TMEM232: variants seen among roughly 807,000 people sequenced by gnomAD.
The protein encoded by TMEM232 is transmembrane protein 232.
TMEM232 carries 80 observed loss-of-function variants against 78.8 expected under a neutral mutation model. That is an observed-to-expected ratio of 1.01 (90% CI 0.85 to 1.22). The LOEUF is 1.22. Among genes scored for constraint, TMEM232 ranks in the 50% most tolerant of loss-of-function variants. The pLI is 0.00. For missense variants in TMEM232, 881 were observed against 742.2 expected (o/e 1.19, Z -2.17); for synonymous variants, 297 against 254.3 (o/e 1.17, Z -1.60).
At chr5:110,598,200 A>T (rs1267570854) in intron 10 of TMEM232, among the ~76,000 whole-genome samples, 7 of 152,176 alleles carry the variant, frequency 4.6e-5, no homozygotes. Flanking sequence ...GTGGGCAAAG[A>T]ATATGAATAG....
At chr5:110,539,669 C>G (rs954376869) in intron 11 of TMEM232, among the ~76,000 whole-genome samples, 3 of 152,184 alleles carry the variant, frequency 2.0e-5, no homozygotes, top group Non-Finnish European at 2.9e-5. Flanking sequence ...TCTAAGGGAT[C>G]TGCAATTGGA....
At chr5:110,548,273 T>C (rs1387805287) in intron 11 of TMEM232, among the ~76,000 whole-genome samples, 1 of 150,508 alleles carries the variant, frequency 6.6e-6, no homozygotes. Context: ...CACATCCAGA[T>C]ATACATACAC....
At chr5:110,696,040 T>C (rs193271136) in intron 1 of TMEM232, among the ~76,000 whole-genome samples, 5 of 152,150 alleles carry the variant, frequency 3.3e-5, no homozygotes, top group Non-Finnish European at 4.4e-5. Context: ...TGAACATTGA[T>C]GCAAAAATCC....
chr5:110,697,149 C>G (rs149586999), intron 1 of TMEM232, among the ~76,000 whole-genome samples: 1,798 of 152,232 alleles, frequency 0.012, 42 homozygotes, highest in African/African-American at 0.041. Flanking sequence ...TGCCGCATAT[C>G]TGCAACCATC....
chr5:110,718,795 T>C (rs1797286570), intron 1 of TMEM232, among the ~76,000 whole-genome samples: 1 of 152,098 alleles, frequency 6.6e-6, no homozygotes, highest in South Asian at 2.1e-4. Context: ...TCATTTTGTT[T>C]CTTCTCTTTT....
chr5:110,580,256 A>C (rs1778031995), intron 10 of TMEM232, among the ~76,000 whole-genome samples: 2 of 151,786 alleles, frequency 1.3e-5, no homozygotes, highest in African/African-American at 2.4e-5. Context: ...GAAAAAAATT[A>C]TATTAGCTGG....
At chr5:110,615,444 A>G (rs1032154134) in intron 8 of TMEM232, among the ~76,000 whole-genome samples, 3 of 152,008 alleles carry the variant, frequency 2.0e-5, no homozygotes, top group African/African-American at 7.2e-5. Context: ...TAAATATTGG[A>G]AAAGAGTGCT....
chr5:110,673,005 C>T (rs939507045), intron 1 of TMEM232, among the ~76,000 whole-genome samples: 2 of 152,080 alleles, frequency 1.3e-5, no homozygotes, highest in African/African-American at 4.8e-5. Flanking sequence ...CATGCACACG[C>T]ATGTTTATTG....
downstream of TMEM232, among the ~76,000 whole-genome samples, chr5:110,415,973 T>TA (rs1458390656): frequency 6.6e-6 from 1 of 152,208 alleles, no homozygotes; most frequent in Non-Finnish European, 1.5e-5. Flanking sequence ...ATTTTATTTT[T>TA]ATTTTGGCTT....
chr5:110,507,430 C>T (rs1767041696), intron 12 of TMEM232, among the ~76,000 whole-genome samples: 1 of 152,204 alleles, frequency 6.6e-6, no homozygotes. Context: ...ACCACCACTA[C>T]TGCAATATAC....
rs904169021 is a variant in TMEM232 at position 110,674,270 on chromosome 5, C to A, written c.-12-6906G>T. Among the ~76,000 whole-genome samples, 4 of 151,950 alleles carry A rather than the reference C, an allele frequency of 2.6e-5. 1 individual carries two copies. The highest frequency in any genetic ancestry group is 2.1e-4 in the South Asian group (1 of 4,826). The stretch of plus-strand genomic sequence containing the variant: ...ACAATAATCAAGAATCAGGAATGTG[C>A]AAAGGAGTTAATTTGATAAATGTAG... On this transcript the variant is annotated intron_variant, in intron 1 of 13. Transcript: ENST00000455884.
At chr5:110,411,736 A>C (rs1001891832) in intron 2 of TMEM232, among the ~76,000 whole-genome samples, 1 of 152,272 alleles carries the variant, frequency 6.6e-6, no homozygotes, top group African/African-American at 2.4e-5. Context: ...GGTGCCCTTA[A>C]GTTTATTCCA....
intron 12 of TMEM232, among the ~76,000 whole-genome samples, chr5:110,483,861 C>T (rs1031853365): frequency 6.6e-6 from 1 of 151,978 alleles, no homozygotes; most frequent in African/African-American, 2.4e-5. Context: ...CATGCACTTG[C>T]ATGTTCATTA....
At chr5:110,413,026 T>G (rs1250144179) in intron 2 of TMEM232, among the ~76,000 whole-genome samples, 1 of 152,136 alleles carries the variant, frequency 6.6e-6, no homozygotes, top group Non-Finnish European at 1.5e-5. Flanking sequence ...GAGTGTCAAC[T>G]TGATTGGATT....
intron 12 of TMEM232, among the ~76,000 whole-genome samples, chr5:110,520,514 T>C (rs1027810062): frequency 3.9e-5 from 6 of 152,180 alleles, no homozygotes; most frequent in Non-Finnish European, 5.9e-5. Context: ...TCTAGATCAA[T>C]CATTAACAAG....
At chr5:110,439,311 C>T (rs1300126475) in intron 12 of TMEM232, among the ~76,000 whole-genome samples, 1 of 152,174 alleles carries the variant, frequency 6.6e-6, no homozygotes, top group African/African-American at 2.4e-5. Flanking sequence ...CCATTACCTA[C>T]TCCCACATTA....
At chr5:110,490,163 A>AAGAG (rs1328887451) in intron 12 of TMEM232, among the ~76,000 whole-genome samples, 1 of 144,308 alleles carries the variant, frequency 6.9e-6, no homozygotes, top group Non-Finnish European at 1.5e-5. Flanking sequence ...GAAAGAAAGA[A>AAGAG]AGAAAGAAAG....
intron 10 of TMEM232, among the ~76,000 whole-genome samples, chr5:110,590,362 TAGG>T (rs1349476731): frequency 1.3e-5 from 2 of 152,064 alleles, no homozygotes; most frequent in Non-Finnish European, 2.9e-5. Context: ...GGCCATACAA[TAGG>T]AGATGAATGG....
intron 10 of TMEM232, among the ~76,000 whole-genome samples, chr5:110,596,412 C>G (rs1223439414): frequency 6.6e-6 from 1 of 152,162 alleles, no homozygotes; most frequent in Non-Finnish European, 1.5e-5. Context: ...CAGATGGATT[C>G]ACAGCCGAAT....
Sources: allele counts gnomAD v4.1 joint callset (sites outside exome capture counted in the v4.1 genomes callset), GRCh38; gene constraint gnomAD v4.1.1; transcripts MANE v1.5; gene names NCBI Gene and HGNC (gene_info 2026-07-23, HGNC 2026-07-21).